Variants in ARL15 observed in about 807,000 individuals in gnomAD.
ARL15 encodes the protein ADP-ribosylation factor-like protein 15.
Under a neutral mutation model 25.2 loss-of-function variants are expected in ARL15, and 19 were observed. The observed-to-expected ratio is 0.75, with a 90% CI of 0.53 to 1.10. The LOEUF (loss-of-function observed/expected upper bound fraction) is 1.10. Among genes scored for constraint, ARL15 ranks in the 50% least tolerant of loss-of-function variants. The pLI is 0.00. For missense variants in ARL15, 220 were observed against 246.0 expected, an observed-to-expected ratio of 0.89 and a Z score of 0.71; for synonymous variants, 94 against 86.8, an observed-to-expected ratio of 1.08 and a Z score of -0.46.
intron 4 of ARL15, among the ~76,000 whole-genome samples, chr5:54,106,406 T>C (rs926735612): frequency 1.3e-5 from 2 of 151,932 alleles, no homozygotes; most frequent in African/African-American, 2.4e-5. Flanking sequence ...GATTCGGAGG[T>C]AGTCACTCTT....
intron 1 of ARL15, among the ~76,000 whole-genome samples, chr5:54,291,454 AT>A (rs1194060870): frequency 6.6e-6 from 1 of 152,138 alleles, no homozygotes. Context: ...ATTAGACTGT[AT>A]TTTTTATTTT....
At chr5:54,081,639 C>T (rs1579778238) in intron 4 of ARL15, among the ~76,000 whole-genome samples, 1 of 152,194 alleles carries the variant, frequency 6.6e-6, no homozygotes, top group African/African-American at 2.4e-5. Context: ...TTGTTCAGCA[C>T]TTCCCCTTCC....
At position 54,172,030 on chromosome 5, in the gene ARL15, T is replaced by C. The variant is rs529520878; in HGVS notation, c.49-102A>G. On this transcript the variant is annotated intron_variant, in intron 1 of 4. Transcript: ENST00000504924. Reference sequence around the variant, plus strand: ...GAGTAAGTATTAAGAGGTAATTGAATAAAGTATTACCTATAAGGAAGAAAA... The same window carrying C: ...GAGTAAGTATTAAGAGGTAATTGAACAAAGTATTACCTATAAGGAAGAAAA... The C allele has an allele frequency of 1.5e-5, 21 of 1,381,984 alleles. No homozygotes were observed. The South Asian group carries it at 2.9e-4, about 19-fold the overall frequency. 85.6% of individuals were successfully genotyped at this position (1,381,984 alleles called of 1,614,324 possible). A position where few individuals can be genotyped will look rare whatever the true frequency, so the allele number is the denominator to read the frequency against.
At chr5:54,139,047 GC>G (rs1216884762) in intron 3 of ARL15, among the ~76,000 whole-genome samples, 1 of 149,264 alleles carries the variant, frequency 6.7e-6, no homozygotes, top group African/African-American at 2.5e-5. Context: ...AAAAAGGAAT[GC>G]TTATACACCG....
At chr5:54,286,600 C>A (rs998864006) in intron 1 of ARL15, among the ~76,000 whole-genome samples, 3 of 152,312 alleles carry the variant, frequency 2.0e-5, no homozygotes, top group Middle Eastern at 3.4e-3. Flanking sequence ...TTTCATCCAG[C>A]AAAATGTTAG....
At chr5:54,045,301 A>G (rs1236026747) in intron 4 of ARL15, among the ~76,000 whole-genome samples, 1 of 152,212 alleles carries the variant, frequency 6.6e-6, no homozygotes, top group Non-Finnish European at 1.5e-5. Context: ...TAAAAGCTGG[A>G]CTAAATCATG....
intron 4 of ARL15, among the ~76,000 whole-genome samples, chr5:54,009,792 G>C (rs1749172512): frequency 6.6e-6 from 1 of 152,116 alleles, no homozygotes; most frequent in African/African-American, 2.4e-5. Flanking sequence ...TCAGTAATCT[G>C]TGGAAATGGC....
At chr5:54,272,239 C>T (rs1757806204) in intron 1 of ARL15, among the ~76,000 whole-genome samples, 1 of 149,944 alleles carries the variant, frequency 6.7e-6, no homozygotes, top group Admixed American at 6.8e-5. Context: ...AAGCAGGAGC[C>T]AGCATGTCCA....
intron 1 of ARL15, among the ~76,000 whole-genome samples, chr5:54,224,126 G>T (rs1406688081): frequency 1.3e-5 from 2 of 152,176 alleles, no homozygotes; most frequent in Non-Finnish European, 2.9e-5. Flanking sequence ...CAGCAGAGTG[G>T]AGTGAGGAGG....
chr5:54,100,244 A>T (rs988686405), intron 4 of ARL15, among the ~76,000 whole-genome samples: 1 of 152,148 alleles, frequency 6.6e-6, no homozygotes, highest in African/African-American at 2.4e-5. Flanking sequence ...CAAAGCATAG[A>T]AATGTACACT....
intron 4 of ARL15, among the ~76,000 whole-genome samples, chr5:53,938,609 TGAGACCAGGAGTTC>T (rs1746430742): frequency 6.6e-6 from 1 of 152,206 alleles, no homozygotes; most frequent in African/African-American, 2.4e-5. Flanking sequence ...GCAGATCACT[TGAGACCAGGAGTTC>T]GAGACCAGCC....
intron 3 of ARL15, among the ~76,000 whole-genome samples, chr5:54,147,825 T>C (rs769748148): frequency 2.6e-5 from 4 of 152,234 alleles, no homozygotes; most frequent in African/African-American, 7.2e-5. Flanking sequence ...TGTCTGCCTA[T>C]GCTGTTTCTT....
intron 4 of ARL15, among the ~76,000 whole-genome samples, chr5:54,095,105 T>C (rs143779525): frequency 1.4e-4 from 21 of 152,228 alleles, no homozygotes; most frequent in African/African-American, 4.3e-4. Flanking sequence ...GGGAAAAGGA[T>C]TTAGGAATTC....
intron 3 of ARL15, among the ~76,000 whole-genome samples, chr5:54,149,268 G>A (rs1420777532): frequency 4.6e-5 from 7 of 152,126 alleles, no homozygotes; most frequent in African/African-American, 9.7e-5. Context: ...TGATATTAAC[G>A]CACGCACAGT....
At chr5:54,191,352 T>C (rs377009268) in intron 1 of ARL15, among the ~76,000 whole-genome samples, 129 of 152,286 alleles carry the variant, frequency 8.5e-4, no homozygotes, top group African/African-American at 3.0e-3. Context: ...AGAATTTCAG[T>C]GTTACAAGAT....
At chr5:54,226,357 G>A (rs554073574) in intron 1 of ARL15, among the ~76,000 whole-genome samples, 1 of 152,194 alleles carries the variant, frequency 6.6e-6, no homozygotes, top group Admixed American at 6.5e-5. Flanking sequence ...CTGGAAGACA[G>A]CTCCAAGCTT....
intron 4 of ARL15, among the ~76,000 whole-genome samples, chr5:54,051,193 T>C (rs1270467412): frequency 2.0e-5 from 3 of 152,346 alleles, no homozygotes; most frequent in Admixed American, 6.5e-5. Flanking sequence ...GCTTGATCTT[T>C]AGCTAACACT....
intron 1 of ARL15, among the ~76,000 whole-genome samples, chr5:54,235,634 G>C (rs989650536): frequency 2.0e-5 from 3 of 152,028 alleles, no homozygotes; most frequent in Non-Finnish European, 4.4e-5. Context: ...ACCACACCCA[G>C]CTAATTTTTA....
intron 1 of ARL15, among the ~76,000 whole-genome samples, chr5:54,306,391 C>CTTTTTTTTTTTTT (rs11338403): frequency 7.4e-6 from 1 of 134,516 alleles, no homozygotes. Context: ...AATACGTTAA[C>CTTTTTTTTTTTTT]TTTTTTTTTT....
Sources: gnomAD v4.1 joint callset for allele counts (sites outside exome capture counted in the v4.1 genomes callset) on GRCh38, gnomAD v4.1.1 for gene constraint, MANE v1.5 for transcripts, NCBI Gene and HGNC (gene_info 2026-07-23, HGNC 2026-07-21) for gene names.